Variants in ATG4B observed in about 807,000 individuals in gnomAD.
ATG4B encodes the protein autophagy related 4B cysteine peptidase.
Under a neutral mutation model 56.6 loss-of-function variants are expected in ATG4B, and 29 were observed. That is an observed-to-expected ratio of 0.51 (90% confidence interval 0.38 to 0.70). The LOEUF (loss-of-function observed/expected upper bound fraction) is 0.70. Ranked by LOEUF, ATG4B falls within the 30% of genes least tolerant of loss-of-function variation. The probability of loss-of-function intolerance (pLI) is 0.00; values close to 1 mark genes in which losing one functional copy is unlikely to be tolerated. For missense variants in ATG4B, 461 were observed against 515.5 expected (o/e 0.89, Z 1.02); for synonymous variants, 224 against 206.1 (o/e 1.09, Z -0.74).
At position 241,668,700 on chromosome 2, in the gene ATG4B, C is replaced by T; in HGVS notation, c.957+15C>T. On this transcript the variant is annotated intron_variant, in intron 10 of 12. Transcript: ENST00000404914. The surrounding 1 kb of genome is among the most constrained non-coding windows in gnomAD (Gnocchi z 4.2). ...CCATCGCTGTGGTACGTGGCGGCCACCTGAGCACACAGGCATTTGGTGCTG... is the reference window on the plus strand; with the variant it reads ...CCATCGCTGTGGTACGTGGCGGCCATCTGAGCACACAGGCATTTGGTGCTG... 1.3e-6 allele frequency: 2 copies of T among 1,562,094 alleles called. No individual in the cohort carries two copies. Among genetic ancestry groups the T allele is most frequent in the African/African-American group, 1.4e-5 (1 of 73,542 alleles).
chr2:241,642,227 C>T (rs1196727318), intron 1 of ATG4B, among the ~76,000 whole-genome samples: 6 of 146,896 alleles, frequency 4.1e-5, no homozygotes, highest in African/African-American at 1.0e-4. Context: ...GTGCGGTGGG[C>T]GCGATCTAGG....
At chr2:241,657,541 G>A (rs960522180) in intron 6 of ATG4B, among the ~76,000 whole-genome samples, 1 of 151,882 alleles carries the variant, frequency 6.6e-6, no homozygotes, top group Non-Finnish European at 1.5e-5. Flanking sequence ...CTGACCTCGT[G>A]ATCCACCTGC....
rs1274503246 is a variant in ATG4B at position 241,651,186 on chromosome 2, C to T, written c.112+75C>T. The T allele has an allele frequency of 6.4e-7, 1 of 1,555,444 alleles. No homozygotes were observed. Among genetic ancestry groups the T allele is most frequent in the African/African-American group, 1.4e-5 (1 of 73,534 alleles). On this transcript the variant is annotated intron_variant, in intron 2 of 12. Transcript: ENST00000404914. The surrounding 1 kb of genome is among the most constrained non-coding windows in gnomAD (Gnocchi z 4.1). ...AGCATTTTGTGATCACTGTTCTCTG[C>T]TAACTCTGCCATAACTTGTGACTTG...
intron 1 of ATG4B, among the ~76,000 whole-genome samples, chr2:241,639,568 C>T (rs559118550): frequency 1.5e-4 from 23 of 152,298 alleles, no homozygotes; most frequent in African/African-American, 4.8e-4. Context: ...AATGAGACTA[C>T]ACTTAACACT....
intron 6 of ATG4B, among the ~76,000 whole-genome samples, chr2:241,655,660 C>T (rs1376561957): frequency 6.6e-6 from 1 of 152,136 alleles, no homozygotes; most frequent in Non-Finnish European, 1.5e-5. Flanking sequence ...TGTGCGGGTG[C>T]CGGGCCCTTC....
intron 1 of ATG4B, among the ~76,000 whole-genome samples, chr2:241,644,242 C>G (rs762348343): frequency 2.6e-5 from 4 of 152,126 alleles, no homozygotes; most frequent in Non-Finnish European, 4.4e-5. Context: ...ACTCAGGAGG[C>G]TGAGGTGGGA....
At chr2:241,639,732 A>T (rs186420011) in intron 1 of ATG4B, among the ~76,000 whole-genome samples, 3 of 152,296 alleles carry the variant, frequency 2.0e-5, no homozygotes, top group African/African-American at 7.2e-5. Flanking sequence ...CAGAATGGGG[A>T]GTGTGTGCTG....
chr2:241,661,833 C>T lies in ATG4B; in HGVS notation c.538+2646C>T, dbSNP rs185671445. 8.5e-5 allele frequency among the ~76,000 whole-genome samples: 13 copies of T among 152,224 alleles called. No individual in the cohort carries two copies. The East Asian group carries it at 1.3e-3, about 16-fold the overall frequency. On this transcript the variant is annotated intron_variant, in intron 7 of 12. Coordinates refer to ENST00000404914, the MANE Select transcript of ATG4B (RefSeq NM_013325.5). ...CTTAGCATGCTCTTCTTGTCCTTAA[C>T]GTTGATGGGCTTAGACCTTTCTAAC...
At chr2:241,665,539 C>T (rs2068736175) in intron 7 of ATG4B, among the ~76,000 whole-genome samples, 1 of 152,180 alleles carries the variant, frequency 6.6e-6, no homozygotes, top group African/African-American at 2.4e-5. Context: ...GTCAGCTGAC[C>T]ATCCCACACG....
At chr2:241,666,151 C>T (rs1424592257) in intron 7 of ATG4B, among the ~76,000 whole-genome samples, 2 of 152,230 alleles carry the variant, frequency 1.3e-5, no homozygotes, top group South Asian at 2.1e-4. Context: ...ATCTAGACGC[C>T]GGGCATGCTC....
At chr2:241,659,308 G>GT in intron 7 of ATG4B, 121 bp downstream of exon 7, 2 of 865,190 alleles carry the variant, frequency 2.3e-6, no homozygotes, top group South Asian at 2.8e-5. Flanking sequence ...TGCCGTGCAG[G>GT]TGCTCCGTGG....
chr2:241,654,541 A>G lies in ATG4B; in HGVS notation c.284-5A>G. On this transcript the variant is annotated splice_region_variant and splice_polypyrimidine_tract_variant and intron_variant, in intron 4 of 12. Coordinates refer to ENST00000404914, the MANE Select transcript of ATG4B (RefSeq NM_013325.5). ...AGAGCTGACCTGTAATTTTTTTTCC[A>G]ATAGATTGGAGGTGGACACAAAGGA... 1 of 1,580,956 alleles carries G rather than the reference A, an allele frequency of 6.3e-7. No individual in the cohort carries two copies. Among genetic ancestry groups the G allele is most frequent in the Non-Finnish European group, 8.6e-7 (1 of 1,163,298 alleles).
intron 1 of ATG4B, among the ~76,000 whole-genome samples, chr2:241,637,961 C>T (rs1043285156): frequency 2.0e-5 from 3 of 151,656 alleles, no homozygotes; most frequent in Non-Finnish European, 2.9e-5. Context: ...TGCGCTGGAG[C>T]TTCTGCTTTT....
intron 10 of ATG4B, among the ~76,000 whole-genome samples, chr2:241,670,247 G>A (rs2068920124): frequency 6.6e-6 from 1 of 151,966 alleles, no homozygotes; most frequent in African/African-American, 2.4e-5. Flanking sequence ...CCCTTGGCCG[G>A]TCCCCTGTCT....
intron 11 of ATG4B, among the ~76,000 whole-genome samples, 197 bp from the exon 12 acceptor site, chr2:241,671,115 G>T (rs1253689941): frequency 6.6e-6 from 1 of 152,226 alleles, no homozygotes. Context: ...CCCCTCTGCC[G>T]TGGTGGTCAG....
chr2:241,639,638 G>A (rs943435004), intron 1 of ATG4B, among the ~76,000 whole-genome samples: 1 of 152,210 alleles, frequency 6.6e-6, no homozygotes, highest in African/African-American at 2.4e-5. Context: ...ACACCCCTCA[G>A]CAGAGAGGGG....
chr2:241,651,462 A>C lies in ATG4B; in HGVS notation c.184+127A>C. The C allele has an allele frequency of 1.3e-6, 1 of 793,758 alleles. No individual in the cohort carries two copies. The highest frequency in any genetic ancestry group is 1.8e-5 in the South Asian group (1 of 55,794). 49.2% of individuals were successfully genotyped at this position (793,758 alleles called of 1,614,324 possible). ...TGAATCTTCACAGCAATCCTGCTTA[A>C]CTGAATTGGCCGAGGCCTCACGTGT... On this transcript the variant is annotated intron_variant, in intron 3 of 12. Transcript: ENST00000404914. This position sits in a 1 kb window ranked among gnomAD's most constrained non-coding sequence, Gnocchi z 4.1.
chr2:241,665,497 T>A (rs569430483), intron 7 of ATG4B, among the ~76,000 whole-genome samples: 2 of 152,354 alleles, frequency 1.3e-5, no homozygotes, highest in East Asian at 3.9e-4. Context: ...GTTGTGGTTG[T>A]TGCTGCTTTG....
intron 1 of ATG4B, among the ~76,000 whole-genome samples, chr2:241,639,174 C>G (rs34823115): frequency 0.36 from 55,159 of 152,054 alleles, 10,214 homozygotes; most frequent in African/African-American, 0.43. Flanking sequence ...AGCGCAGGCA[C>G]CAGAGTGGGC....
Sources: gnomAD v4.1 joint callset for allele counts (sites outside exome capture counted in the v4.1 genomes callset) on GRCh38, gnomAD v4.1.1 for gene constraint, Gnocchi (gnomAD v3.1) non-coding constraint, MANE v1.5 for transcripts, NCBI Gene and HGNC (gene_info 2026-07-23, HGNC 2026-07-21) for gene names.